Variants in TRIO observed in about 807,000 individuals in gnomAD.
TRIO encodes the protein triple functional domain protein.
Under a neutral mutation model 351.9 loss-of-function variants are expected in TRIO, and 58 were observed. The ratio of observed to expected loss-of-function variants is 0.16; its 90% CI spans 0.13 to 0.21. TRIO has a LOEUF of 0.21. Among genes scored for constraint, TRIO ranks in the 10% least tolerant of loss-of-function variants. The probability of loss-of-function intolerance (pLI) is 1.00; values close to 1 mark genes in which losing one functional copy is unlikely to be tolerated. For synonymous variants in TRIO, 1,758 were observed against 1,595.7 expected (o/e 1.10, Z -2.42); for missense variants, 3,201 against 4,027.8 (o/e 0.79, Z 5.56).
chr5:14,388,758 G>A, intron 24 of TRIO, 79 bp downstream of exon 24: 2 of 1,462,230 alleles, frequency 1.4e-6, no homozygotes, highest in South Asian at 2.5e-5. Flanking sequence ...TTACCTGTTG[G>A]TAGTCCTTAG....
chr5:14,319,210 C>T (rs1231251809), intron 9 of TRIO, among the ~76,000 whole-genome samples: 1 of 152,074 alleles, frequency 6.6e-6, no homozygotes, highest in African/African-American at 2.4e-5. Flanking sequence ...CATATATGGT[C>T]CTGTTAGCAA....
intron 1 of TRIO, among the ~76,000 whole-genome samples, chr5:14,205,038 C>T (rs1791370891): frequency 6.6e-6 from 1 of 152,170 alleles, no homozygotes; most frequent in South Asian, 2.1e-4. Flanking sequence ...CTGTTTCCAC[C>T]GTGGCTGCAG....
At chr5:14,283,091 A>G (rs565501774) in intron 3 of TRIO, among the ~76,000 whole-genome samples, 4 of 152,314 alleles carry the variant, frequency 2.6e-5, no homozygotes, top group Non-Finnish European at 4.4e-5. Flanking sequence ...TATGTGATAC[A>G]GATTTCACCA....
rs147014315 is a variant in TRIO, at chr5:14,492,734, C to G, written c.7800C>G (p.Pro2600=). 7.4e-6 allele frequency: 12 copies of G among 1,614,006 alleles called. No homozygotes were observed. Among genetic ancestry groups the G allele is most frequent in the Non-Finnish European group, 1.0e-5 (12 of 1,180,020 alleles). The part of the protein sequence containing the change: ...LVFRAATDQC[P]AAEGWIPGFV... ...TCCGAGCCGCCACTGACCAGTGCCC[C>G]GCAGCTGAGGGCTGGATTCCAGGCT... The change falls in exon 49 of 57, where the codon CCC becomes CCG. Residue 2600 remains proline (P), a synonymous_variant. Coordinates refer to ENST00000344204, the MANE Select transcript of TRIO (RefSeq NM_007118.4).
In TRIO at chr5:14,202,881, G is replaced by A. The variant is rs901131094; in HGVS notation, c.157+58999G>A. ...TTTTCTTTATAAATTACCCAGTCTC[G>A]TGTATGTCTTTATCAGCCATGTGAA... On this transcript the variant is annotated intron_variant, in intron 1 of 56. Coordinates refer to ENST00000344204, the MANE Select transcript of TRIO (RefSeq NM_007118.4). 1.3e-4 allele frequency among the ~76,000 whole-genome samples: 20 copies of A among 151,472 alleles called. No individual in the cohort carries two copies. The East Asian group carries it at 2.1e-3, about 16-fold the overall frequency.
intron 2 of TRIO, among the ~76,000 whole-genome samples, chr5:14,278,556 A>T (rs1382989551): frequency 1.3e-5 from 2 of 152,256 alleles, no homozygotes; most frequent in African/African-American, 4.8e-5. Context: ...CTGTATTTTT[A>T]ATAATTCAAG....
chr5:14,248,904 A>G (rs1356459606), intron 1 of TRIO, among the ~76,000 whole-genome samples: 1 of 152,202 alleles, frequency 6.6e-6, no homozygotes, highest in Admixed American at 6.5e-5. Context: ...GTTTGATTCC[A>G]AGCCTGGCTG....
At chr5:14,504,864 C>CT (rs1424433832) in intron 55 of TRIO, among the ~76,000 whole-genome samples, 2 of 151,764 alleles carry the variant, frequency 1.3e-5, no homozygotes, top group Non-Finnish European at 2.9e-5. Flanking sequence ...AGATGCACCC[C>CT]CCCCACCCCT....
chr5:14,488,864 G>C (rs1233953997), intron 48 of TRIO: 2 of 718,508 alleles, frequency 2.8e-6, no homozygotes, highest in Non-Finnish European at 5.1e-6. Flanking sequence ...TGGGCACCTG[G>C]CGAGGCGGCT....
chr5:14,329,784 C>T (rs1174973750), intron 9 of TRIO, among the ~76,000 whole-genome samples: 1 of 152,168 alleles, frequency 6.6e-6, no homozygotes, highest in Non-Finnish European at 1.5e-5. Context: ...TCAAAGAGGA[C>T]AAAGTGGGCA....
Position 14,388,688 on chromosome 5 carries a change from G to GTTTTTTT in TRIO, c.3948+21_3948+27dup. On this transcript the variant is annotated intron_variant, in intron 24 of 56. Coordinates refer to ENST00000344204, the MANE Select transcript of TRIO (RefSeq NM_007118.4). ...TCCGGGAATGTATGGATGTAAGTAA[G>GTTTTTTT]TTTTTTTTTTTTTTTTTTGCTTGTT... is the stretch of plus-strand genomic sequence containing the variant. The GTTTTTTT allele has an allele frequency of 7.6e-6, 11 of 1,440,352 alleles. No homozygotes were observed. Among genetic ancestry groups the GTTTTTTT allele is most frequent in the South Asian group, 5.4e-5 (4 of 74,590 alleles). 89.2% of individuals were successfully genotyped at this position (1,440,352 alleles called of 1,614,324 possible).
intron 1 of TRIO, among the ~76,000 whole-genome samples, chr5:14,144,322 A>G (rs1265729237): frequency 1.3e-5 from 2 of 152,146 alleles, no homozygotes; most frequent in East Asian, 3.9e-4. Context: ...GGGACGGGAA[A>G]TTGGTCTTTG....
At chr5:14,144,819 G>C (rs1347224534) in intron 1 of TRIO, among the ~76,000 whole-genome samples, 1 of 151,796 alleles carries the variant, frequency 6.6e-6, no homozygotes, top group Non-Finnish European at 1.5e-5. Context: ...TCCCGCGCGA[G>C]CCGGGCCCGC....
intron 15 of TRIO, 37 bp from the exon 16 acceptor site, chr5:14,366,823 A>C (rs766130406): frequency 6.2e-7 from 1 of 1,612,928 alleles, no homozygotes; most frequent in South Asian, 1.1e-5. Context: ...TTCTCTGGGA[A>C]GTCCACTGCT....
At chr5:14,404,685 C>G (rs933967639) in intron 31 of TRIO, among the ~76,000 whole-genome samples, 10 of 152,154 alleles carry the variant, frequency 6.6e-5, no homozygotes, top group Non-Finnish European at 1.5e-4. Context: ...GCCCCCTCGC[C>G]AGAAGACATT....
chr5:14,507,235 G>T lies in TRIO; in HGVS notation c.8726G>T (p.Cys2909Phe). ...GAAGCTGTCCGGTACCTGCACAACT[G>T]CAGGATAGCACACCTGGACCTAAAG... ...VLEAVRYLHN[C>F]RIAHLDLKPE... The change falls in exon 56 of 57, where the codon TGC becomes TTC. Residue 2909 changes from cysteine to phenylalanine, a missense_variant. Coordinates refer to ENST00000344204, the MANE Select transcript of TRIO (RefSeq NM_007118.4). 2.7e-5 allele frequency: 43 copies of T among 1,611,794 alleles called. No individual in the cohort carries two copies. Among genetic ancestry groups the T allele is most frequent in the Non-Finnish European group, 3.6e-5 (43 of 1,179,912 alleles).
chr5:14,316,668 G>A lies in TRIO; in HGVS notation c.1656G>A (p.Glu552=), dbSNP rs1206128404. 6.2e-7 allele frequency: 1 copy of A among 1,614,210 alleles called. No individual in the cohort carries two copies. Among genetic ancestry groups the A allele is most frequent in the South Asian group, 1.1e-5 (1 of 91,080 alleles). ...HEVLHHQRQL[E]NIWQHRKVRL... is the part of the protein sequence containing the mutation. ...TGCTGCACCACCAGCGGCAGCTGGA[G>A]AACATCTGGCAACACCGCAAGGTCC... The change falls in exon 9 of 57, where the codon GAG becomes GAA. Residue 552 remains glutamate (E), a synonymous_variant. Transcript: ENST00000344204.
At chr5:14,364,977 C>T (rs1192198801) in intron 15 of TRIO, among the ~76,000 whole-genome samples, 161 bp downstream of exon 15, 1 of 152,154 alleles carries the variant, frequency 6.6e-6, no homozygotes, top group Non-Finnish European at 1.5e-5. Context: ...ACACCCCCGC[C>T]CCCCGATTAC....
At chr5:14,293,348 C>T (rs985550485) in intron 6 of TRIO, among the ~76,000 whole-genome samples, 3 of 152,184 alleles carry the variant, frequency 2.0e-5, no homozygotes, top group Admixed American at 6.5e-5. Context: ...AGCAAACAGA[C>T]GAACCAGTGA....
Sources: allele counts gnomAD v4.1 joint callset (sites outside exome capture counted in the v4.1 genomes callset), GRCh38; gene constraint gnomAD v4.1.1; transcripts MANE v1.5; gene names NCBI Gene and HGNC (gene_info 2026-07-23, HGNC 2026-07-21).